KMT2C: variants seen among roughly 807,000 people sequenced by gnomAD.
KMT2C encodes lysine methyltransferase 2C, also known as histone-lysine N-methyltransferase 2C.
In KMT2C, 88 loss-of-function variants were observed where a neutral mutation model predicts 507.9. That is an observed-to-expected ratio of 0.17 (90% CI 0.15 to 0.21). The LOEUF is 0.21. KMT2C is among the 10% of genes least tolerant of loss of function. The probability of loss-of-function intolerance (pLI) is 1.00; values close to 1 mark genes in which losing one functional copy is unlikely to be tolerated. For missense variants in KMT2C, 4,954 were observed against 5,957.8 expected (o/e 0.83, Z 5.55); for synonymous variants, 2,049 against 2,080.8 (o/e 0.98, Z 0.42).
At chr7:152,289,941 GGAGGCT>G (rs1316001205) in intron 6 of KMT2C, among the ~76,000 whole-genome samples, 1 of 151,936 alleles carries the variant, frequency 6.6e-6, no homozygotes, top group Non-Finnish European at 1.5e-5. Flanking sequence ...CAGCTACTCA[GGAGGCT>G]GAGGCATGAG....
At chr7:152,384,005 A>C (rs1163798644) in intron 1 of KMT2C, among the ~76,000 whole-genome samples, 2 of 151,732 alleles carry the variant, frequency 1.3e-5, no homozygotes, top group South Asian at 4.2e-4. Flanking sequence ...AACAAGAACT[A>C]AGACTCTAGA....
chr7:152,260,444 T>G (rs937256458), intron 9 of KMT2C, among the ~76,000 whole-genome samples: 1 of 152,140 alleles, frequency 6.6e-6, no homozygotes, highest in Non-Finnish European at 1.5e-5. Context: ...CTAGATATTA[T>G]TAGAGAGTGT....
rs747199981 is a variant in KMT2C, at chr7:152,205,148, A to C, written c.3919T>G (p.Ser1307Ala). Residue 1307 changes from serine (S) to alanine (A), a missense_variant, in exon 25 of 59, where the codon TCC becomes GCC. Ser to Ala is a moderately conservative substitution (Grantham distance 99). Coordinates refer to ENST00000262189, the MANE Select transcript of KMT2C (RefSeq NM_170606.3). ...KTKRSVIRKD[S>A]SGSISEQLPC... is the part of the protein sequence containing the mutation. ...AACTGCTCGGAAATAGAGCCTGAGG[A>C]ATCTTTTCTGATCACAGATCTTTTG... 3.1e-6 allele frequency: 5 copies of C among 1,612,534 alleles called. No individual in the cohort carries two copies. Among genetic ancestry groups the C allele is most frequent in the Admixed American group, 1.7e-5 (1 of 59,998 alleles).
chr7:152,393,422 G>A (rs1032337461), intron 1 of KMT2C, among the ~76,000 whole-genome samples: 7 of 152,062 alleles, frequency 4.6e-5, no homozygotes, highest in Non-Finnish European at 1.0e-4. Flanking sequence ...ATTTAAAAAG[G>A]ATGATCGACT....
At chr7:152,155,392 TCTA>T (rs1394319013) in intron 46 of KMT2C, among the ~76,000 whole-genome samples, 1 of 152,184 alleles carries the variant, frequency 6.6e-6, no homozygotes, top group East Asian at 1.9e-4. Flanking sequence ...CTAGCGATCA[TCTA>T]CTAAGGGAAC....
chr7:152,266,749 T>A (rs62478860), intron 7 of KMT2C, among the ~76,000 whole-genome samples: 7 of 149,914 alleles, frequency 4.7e-5, no homozygotes, highest in Non-Finnish European at 3.0e-5. Flanking sequence ...AAAGTCAGAC[T>A]TTTTGTTTTT....
Position 152,149,075 on chromosome 7 carries a change from G to A in KMT2C, c.12852C>T (p.Ile4284=), listed in dbSNP as rs1284992341. The change falls in exon 52 of 59, where the codon ATC becomes ATT. Residue 4284 remains isoleucine, a synonymous_variant. Transcript: ENST00000262189. ...GGAGACAGTGCACATCCAAAGTGGAGATGTTGTTGCTGTACTGATGAAATG... is the reference window on the plus strand; with the variant it reads ...GGAGACAGTGCACATCCAAAGTGGAAATGTTGTTGCTGTACTGATGAAATG... The part of the protein sequence containing the change: ...SKAFHQYSNN[I]STLDVHCLPQ... The A allele has an allele frequency of 2.0e-6, 3 of 1,522,726 alleles. No individual in the cohort carries two copies. Among genetic ancestry groups the A allele is most frequent in the Non-Finnish European group, 1.8e-6 (2 of 1,138,876 alleles). The allele number at this position is 1,522,726 out of a possible 1,614,324, so 94.3% of individuals were successfully genotyped here.
intron 1 of KMT2C, among the ~76,000 whole-genome samples, chr7:152,429,433 T>C (rs1003534145): frequency 1.3e-5 from 2 of 152,176 alleles, no homozygotes; most frequent in African/African-American, 4.8e-5. Flanking sequence ...TGTCATTTGT[T>C]TCTCTCAACT....
At chr7:152,425,573 G>A (rs992295372) in intron 1 of KMT2C, among the ~76,000 whole-genome samples, 11 of 152,124 alleles carry the variant, frequency 7.2e-5, no homozygotes, top group African/African-American at 1.7e-4. Context: ...GCGAAACTCC[G>A]TCTCAAAAAC....
chr7:152,257,235 T>G (rs188431503), intron 9 of KMT2C, among the ~76,000 whole-genome samples: 2 of 152,300 alleles, frequency 1.3e-5, no homozygotes, highest in East Asian at 3.9e-4. Context: ...TTCCAGATTT[T>G]ATTACACGAA....
chr7:152,324,669 C>T (rs975281953), intron 3 of KMT2C, among the ~76,000 whole-genome samples: 1 of 151,816 alleles, frequency 6.6e-6, no homozygotes, highest in Admixed American at 6.6e-5. Context: ...CTAGAAGAAA[C>T]CCCACAGACC....
Position 152,310,426 on chromosome 7 carries a change from G to T in KMT2C, c.740-351C>A, listed in dbSNP as rs561651698. ...CCCTGTCTCTACAAATTAGCTGGGCGTGGTGGTGCACGCCTGTAATTCCAG... is the reference window on the plus strand; with the variant it reads ...CCCTGTCTCTACAAATTAGCTGGGCTTGGTGGTGCACGCCTGTAATTCCAG... On this transcript the variant is annotated intron_variant, in intron 5 of 58. Transcript: ENST00000262189. Among the ~76,000 whole-genome samples, 7 of 152,236 alleles carry T rather than the reference G, an allele frequency of 4.6e-5. No homozygotes were observed. In the South Asian group the frequency reaches 1.2e-3, roughly 27 times the overall value.
intron 6 of KMT2C, among the ~76,000 whole-genome samples, chr7:152,290,258 GTA>G (rs746466676): frequency 0.068 from 1,774 of 26,174 alleles, 62 homozygotes; most frequent in East Asian, 0.1. Flanking sequence ...GTGTGTATGT[GTA>G]TATATATATA....
chr7:152,319,576 CTTT>C (rs1395635593), intron 3 of KMT2C, among the ~76,000 whole-genome samples: 1 of 151,806 alleles, frequency 6.6e-6, no homozygotes, highest in African/African-American at 2.4e-5. Context: ...TCTCTAAACT[CTTT>C]TAGAGTTTAG....
intron 27 of KMT2C, among the ~76,000 whole-genome samples, chr7:152,197,518 T>C (rs1344414198): frequency 6.6e-6 from 1 of 152,140 alleles, no homozygotes; most frequent in East Asian, 1.9e-4. Flanking sequence ...CGTGCCCAAA[T>C]ATCCAGGAAC....
At chr7:152,359,259 C>A in intron 1 of KMT2C, among the ~76,000 whole-genome samples, 2 of 120,558 alleles carry the variant, frequency 1.7e-5, no homozygotes, top group Admixed American at 8.7e-5. Context: ...AGAGTCACAG[C>A]AAGGTGAAAT....
chr7:152,339,488 A>G (rs888148901), intron 2 of KMT2C, among the ~76,000 whole-genome samples: 2 of 152,254 alleles, frequency 1.3e-5, no homozygotes, highest in African/African-American at 4.8e-5. Context: ...AATTTAAGTG[A>G]ATTAAAAAGA....
chr7:152,218,864 T>C (rs1397397884), intron 23 of KMT2C, among the ~76,000 whole-genome samples: 1 of 152,166 alleles, frequency 6.6e-6, no homozygotes, highest in Admixed American at 6.5e-5. Context: ...TCTGGGATGC[T>C]CTTCTCTCAG....
At chr7:152,414,535 A>G (rs1339698912) in intron 1 of KMT2C, among the ~76,000 whole-genome samples, 2 of 152,214 alleles carry the variant, frequency 1.3e-5, no homozygotes, top group Non-Finnish European at 2.9e-5. Context: ...TCTCAAAAAA[A>G]GAAAGAAACA....
Sources: gnomAD v4.1 joint callset for allele counts (sites outside exome capture counted in the v4.1 genomes callset) on GRCh38, gnomAD v4.1.1 for gene constraint, MANE v1.5 for transcripts, NCBI Gene and HGNC (gene_info 2026-07-23, HGNC 2026-07-21) for gene names.